PPM1A: variants seen among roughly 807,000 people sequenced by gnomAD.
PPM1A encodes the protein protein phosphatase, Mg2+/Mn2+ dependent 1A.
Under a neutral mutation model 35.0 loss-of-function variants are expected in PPM1A, and 7 were observed. That is an observed-to-expected ratio of 0.20 (90% confidence interval 0.11 to 0.38). The LOEUF (loss-of-function observed/expected upper bound fraction) is 0.38, where lower values mean the gene tolerates loss of function less well. PPM1A is among the 10% of genes least tolerant of loss of function. PPM1A has a pLI of 1.00. For missense variants in PPM1A, 239 were observed against 467.8 expected, an observed-to-expected ratio of 0.51 and a Z score of 4.51; for synonymous variants, 153 against 167.3, an observed-to-expected ratio of 0.91 and a Z score of 0.66.
rs150973168 is a variant in PPM1A at position 60,266,806 on chromosome 14, T to G, written c.-20-15878T>G. ...TTTATTCATATATATTTTGAAATGATTTAATCAAGGTCTGGGAACAAAAAG... is the reference window on the plus strand; with the variant it reads ...TTTATTCATATATATTTTGAAATGAGTTAATCAAGGTCTGGGAACAAAAAG... On this transcript the variant is annotated intron_variant, in intron 1 of 5. Coordinates refer to ENST00000395076, the MANE Select transcript of PPM1A (RefSeq NM_021003.5). Among the ~76,000 whole-genome samples the G allele has an allele frequency of 3.9e-5, 6 of 152,276 alleles. 1 individual carries two copies. Among genetic ancestry groups the G allele is most frequent in the African/African-American group, 1.4e-4 (6 of 41,562 alleles).
chr14:60,282,634 A>G lies in PPM1A; in HGVS notation c.-20-50A>G. On this transcript the variant is annotated intron_variant, in intron 1 of 5. Transcript: ENST00000395076. This position sits in a 1 kb window ranked among gnomAD's most constrained non-coding sequence, Gnocchi z 5.1. ...TTATTAAAAAGATTGTTTGGTACAT[A>G]TTTTGTTTATAAGACAGTTATTGAC... 3 of 1,566,708 alleles carry G rather than the reference A, an allele frequency of 1.9e-6. No individual in the cohort carries two copies. The highest frequency in any genetic ancestry group is 2.6e-6 in the Non-Finnish European group (3 of 1,155,882).
At position 60,249,357 on chromosome 14, in the gene PPM1A, A is replaced by AGG; in HGVS notation, c.-334_-333dup. 1 of 207,388 alleles carries AGG rather than the reference A, an allele frequency of 4.8e-6. No homozygotes were observed. The highest frequency in any genetic ancestry group is 5.4e-6 in the Non-Finnish European group (1 of 184,136). 12.8% of individuals were successfully genotyped at this position (207,388 alleles called of 1,614,324 possible). A position where few individuals can be genotyped will look rare whatever the true frequency, so the allele number is the denominator to read the frequency against. On this transcript the variant is annotated 5_prime_UTR_variant, in exon 1 of 6. Transcript: ENST00000395076. This position sits in a 1 kb window ranked among gnomAD's most constrained non-coding sequence, Gnocchi z 4.5. ...GTTGCTCCGGAACGGGTGGTTGGGG[A>AGG]GGGGGGGGTGGGGGGACTCTAGACA...
intron 1 of PPM1A, among the ~76,000 whole-genome samples, chr14:60,274,482 A>G (rs1048641573): frequency 6.6e-6 from 1 of 151,980 alleles, no homozygotes; most frequent in Non-Finnish European, 1.5e-5. Context: ...TCACACTCCA[A>G]CTGAGAAATG....
intron 2 of PPM1A, among the ~76,000 whole-genome samples, chr14:60,284,629 G>A (rs1293935236): frequency 5.5e-5 from 8 of 144,732 alleles, no homozygotes; most frequent in African/African-American, 2.1e-4. Flanking sequence ...GCGACAGAGC[G>A]AGACTCCGTC....
intron 1 of PPM1A, among the ~76,000 whole-genome samples, chr14:60,252,465 T>A (rs552607682): frequency 6.6e-6 from 1 of 152,238 alleles, no homozygotes; most frequent in East Asian, 1.9e-4. Flanking sequence ...ACGGCAGGGT[T>A]TTATAAGAGT....
intron 1 of PPM1A, among the ~76,000 whole-genome samples, chr14:60,275,086 G>T: frequency 2.2e-5 from 3 of 139,426 alleles, no homozygotes; most frequent in African/African-American, 5.5e-5. Flanking sequence ...TTTTTTTTAA[G>T]GTCATTTATC....
At chr14:60,287,520 T>G (rs1452903370) in intron 3 of PPM1A, 1 of 985,270 alleles carries the variant, frequency 1.0e-6, no homozygotes, top group African/African-American at 1.7e-5. Context: ...AAATACTGCC[T>G]TCAGCTTCCA....
At chr14:60,263,877 AT>A (rs568763744) in intron 1 of PPM1A, among the ~76,000 whole-genome samples, 4 of 150,978 alleles carry the variant, frequency 2.6e-5, no homozygotes, top group African/African-American at 9.7e-5. Flanking sequence ...GTATTTGGTG[AT>A]TTTTTTTATG....
At chr14:60,288,117 G>C (rs1887229600) in intron 3 of PPM1A, 14 of 984,236 alleles carry the variant, frequency 1.4e-5, no homozygotes, top group Non-Finnish European at 1.7e-5. Context: ...AGTATGAATG[G>C]TCAGGTAGTT....
In PPM1A at chr14:60,249,613, C is replaced by G; in HGVS notation, c.-85C>G. 1.0e-6 allele frequency: 1 copy of G among 987,210 alleles called. No homozygotes were observed. Among genetic ancestry groups the G allele is most frequent in the Non-Finnish European group, 1.2e-6 (1 of 831,788 alleles). The allele number at this position is 987,210 out of a possible 1,614,324, so 61.2% of individuals were successfully genotyped here. On this transcript the variant is annotated 5_prime_UTR_variant, in exon 1 of 6. Coordinates refer to ENST00000395076, the MANE Select transcript of PPM1A (RefSeq NM_021003.5). The surrounding 1 kb of genome is among the most constrained non-coding windows in gnomAD (Gnocchi z 4.5). The stretch of plus-strand genomic sequence containing the variant: ...GCCGCCGTCGCCGCCGCGGTGACCC[C>G]CTCCCCGGCTGCCGCCGCCGCCGCC...
At chr14:60,267,218 T>G (rs1009342502) in intron 1 of PPM1A, 1 of 152,164 alleles carries the variant, frequency 6.6e-6, no homozygotes, top group Admixed American at 6.5e-5. Flanking sequence ...GTTACAGGGA[T>G]AAGAGTTGGT....
chr14:60,252,477 A>G (rs1223787150), intron 1 of PPM1A, among the ~76,000 whole-genome samples: 1 of 152,208 alleles, frequency 6.6e-6, no homozygotes, highest in Admixed American at 6.5e-5. Flanking sequence ...TATAAGAGTT[A>G]AGCAAGAAGA....
intron 3 of PPM1A, chr14:60,288,312 A>C: frequency 1.0e-6 from 1 of 963,768 alleles, no homozygotes. Context: ...TTTAGACCTG[A>C]AACTATTGAT....
intron 1 of PPM1A, among the ~76,000 whole-genome samples, chr14:60,261,998 G>A (rs1883796426): frequency 6.6e-6 from 1 of 152,118 alleles, no homozygotes; most frequent in African/African-American, 2.4e-5. Flanking sequence ...TCTGTATTCA[G>A]TTTCTTATCA....
chr14:60,245,982 A>G, upstream of PPM1A: 2 of 1,578,956 alleles, frequency 1.3e-6, no homozygotes, highest in Non-Finnish European at 1.7e-6. This position sits in a 1 kb window ranked among gnomAD's most constrained non-coding sequence, Gnocchi z 4.2. Context: ...GAGGAGAGAG[A>G]AGGAGAAATG....
rs981438326 is a variant in PPM1A at position 60,250,465 on chromosome 14, A to G, written c.-21+788A>G. On this transcript the variant is annotated intron_variant, in intron 1 of 5. Coordinates refer to ENST00000395076, the MANE Select transcript of PPM1A (RefSeq NM_021003.5). ...AACTGCAGTTTTAGATACGTTTTGA[A>G]AATTTCATCACCTGAGGTATTTTTC... is the stretch of plus-strand genomic sequence containing the variant. The G allele has an allele frequency of 1.2e-5, 12 of 976,890 alleles. No individual in the cohort carries two copies. The African/African-American group carries it at 1.4e-4, about 11-fold the overall frequency. The allele number at this position is 976,890 out of a possible 1,614,324, so 60.5% of individuals were successfully genotyped here.
chr14:60,292,392 T>C lies in PPM1A; in HGVS notation c.1120-61T>C. ...ATCTTTCTCCATTATCCAGAAAGTATGGTGTATTTTGGCACCGCTAAATTT... is the reference window on the plus strand; with the variant it reads ...ATCTTTCTCCATTATCCAGAAAGTACGGTGTATTTTGGCACCGCTAAATTT... On this transcript the variant is annotated intron_variant, in intron 5 of 5. Transcript: ENST00000395076. The surrounding 1 kb of genome is among the most constrained non-coding windows in gnomAD (Gnocchi z 4.2). 2.5e-6 allele frequency: 3 copies of C among 1,196,114 alleles called. No individual in the cohort carries two copies. The highest frequency in any genetic ancestry group is 2.3e-5 in the East Asian group (1 of 42,780). The allele number at this position is 1,196,114 out of a possible 1,614,324, so 74.1% of individuals were successfully genotyped here. A position where few individuals can be genotyped will look rare whatever the true frequency, so the allele number is the denominator to read the frequency against.
chr14:60,287,435 T>G, intron 3 of PPM1A: 3 of 984,380 alleles, frequency 3.0e-6, no homozygotes, highest in Non-Finnish European at 3.6e-6. Flanking sequence ...GAATAAATAT[T>G]ACATTAAAAT....
intron 1 of PPM1A, among the ~76,000 whole-genome samples, chr14:60,266,042 A>C (rs539227461): frequency 6.6e-6 from 1 of 152,132 alleles, no homozygotes; most frequent in South Asian, 2.1e-4. Flanking sequence ...TGAGAGGTAT[A>C]TTTTTTTATT....
Sources: allele counts gnomAD v4.1 joint callset (sites outside exome capture counted in the v4.1 genomes callset), GRCh38; gene constraint gnomAD v4.1.1; non-coding constraint Gnocchi (gnomAD v3.1); transcripts MANE v1.5; gene names NCBI Gene and HGNC (gene_info 2026-07-23, HGNC 2026-07-21).